The following RBFOX1 variants were observed in gnomAD, a reference collection of about 807,000 sequenced individuals.
RBFOX1 encodes RNA binding fox-1 homolog 1.
A neutral mutation model predicts 57.7 loss-of-function variants in RBFOX1; 8 were observed. The observed-to-expected ratio is 0.14, with a 90% CI of 0.08 to 0.25. The LOEUF is 0.25. Among genes scored for constraint, RBFOX1 ranks in the 10% least tolerant of loss-of-function variants. The pLI is 1.00. For missense variants in RBFOX1, 611 were observed against 548.5 expected (o/e 1.11, Z -1.14); for synonymous variants, 326 against 222.4 (o/e 1.47, Z -4.15).
intron 4 of RBFOX1, among the ~76,000 whole-genome samples, chr16:7,178,589 C>T (rs2082110945): frequency 6.6e-6 from 1 of 152,094 alleles, no homozygotes; most frequent in East Asian, 1.9e-4. Context: ...TTTCCATCAC[C>T]AGAATTTAAC....
intron 4 of RBFOX1, chr16:7,304,122 A>G (rs931275599): frequency 1.3e-6 from 1 of 791,050 alleles, no homozygotes; most frequent in Non-Finnish European, 1.5e-6. Context: ...GATCTAGCAC[A>G]TCCCCAGGCG....
intron 2 of RBFOX1, among the ~76,000 whole-genome samples, chr16:6,638,921 A>T (rs2098465196): frequency 6.6e-6 from 1 of 152,166 alleles, no homozygotes; most frequent in Non-Finnish European, 1.5e-5. Context: ...TTCTACCAGG[A>T]AGCAAAATGC....
chr16:7,004,701 C>G (rs1379360398), intron 3 of RBFOX1, among the ~76,000 whole-genome samples: 4 of 152,122 alleles, frequency 2.6e-5, no homozygotes, highest in Non-Finnish European at 5.9e-5. Context: ...CACATCATAA[C>G]CAGGAAGATG....
At chr16:6,578,553 C>A (rs1055570009) in intron 2 of RBFOX1, among the ~76,000 whole-genome samples, 4 of 124,410 alleles carry the variant, frequency 3.2e-5, no homozygotes, top group Non-Finnish European at 7.4e-5. Context: ...AAACTCCAAA[C>A]ATTGTGCCCA....
At chr16:7,499,032 G>T (rs747658420) in intron 4 of RBFOX1, among the ~76,000 whole-genome samples, 4 of 152,136 alleles carry the variant, frequency 2.6e-5, no homozygotes, top group African/African-American at 9.7e-5. Context: ...TAGGTCTTCC[G>T]TGACTAGCAC....
intron 4 of RBFOX1, among the ~76,000 whole-genome samples, chr16:7,259,867 A>C (rs151073500): frequency 1.3e-5 from 2 of 152,172 alleles, no homozygotes; most frequent in Non-Finnish European, 2.9e-5. Context: ...CTGGTGTATT[A>C]GGTGCTTAAT....
At chr16:5,829,617 G>T (rs371597298) in intron 3 of RBFOX1, among the ~76,000 whole-genome samples, 2 of 151,924 alleles carry the variant, frequency 1.3e-5, no homozygotes, top group Non-Finnish European at 2.9e-5. Flanking sequence ...TCTCTCTTCA[G>T]TAACAGCCCC....
At chr16:7,100,943 T>C (rs1764862047) in intron 4 of RBFOX1, among the ~76,000 whole-genome samples, 1 of 152,184 alleles carries the variant, frequency 6.6e-6, no homozygotes, top group Non-Finnish European at 1.5e-5. Flanking sequence ...TAAGTGAAAG[T>C]GATTGTACTT....
In RBFOX1 at chr16:5,953,013, A is replaced by G. The variant is rs148261426; in HGVS notation, c.351+85678A>G. ...AAACTTTTGGAAATACAATGGCAGC[A>G]GTTCCCAGCCTGGCTACATGGTAGA... is the stretch of plus-strand genomic sequence containing the variant. On this transcript the variant is annotated intron_variant, in intron 4 of 19. Coordinates refer to the RBFOX1 transcript ENST00000641259. Among the ~76,000 whole-genome samples the G allele has an allele frequency of 7.7e-3, 1,158 of 150,712 alleles. 13 individuals are homozygous for G. The highest frequency in any genetic ancestry group is 0.027 in the African/African-American group (1,114 of 41,240).
At chr16:7,170,188 T>C (rs1490963877) in intron 4 of RBFOX1, among the ~76,000 whole-genome samples, 1 of 152,242 alleles carries the variant, frequency 6.6e-6, no homozygotes, top group African/African-American at 2.4e-5. Flanking sequence ...ATAGAAACTG[T>C]AGCATGATGA....
chr16:5,283,199 G>T (rs1159903442), intron 1 of RBFOX1, among the ~76,000 whole-genome samples: 1 of 152,238 alleles, frequency 6.6e-6, no homozygotes, highest in Non-Finnish European at 1.5e-5. Flanking sequence ...GATTTCAGAA[G>T]ATGTATGGAA....
At chr16:7,548,344 A>G (rs1235499578) in intron 5 of RBFOX1, among the ~76,000 whole-genome samples, 2 of 152,134 alleles carry the variant, frequency 1.3e-5, no homozygotes, top group Non-Finnish European at 2.9e-5. Context: ...TTTAGTAGAG[A>G]CAGGGTTTCA....
intron 4 of RBFOX1, among the ~76,000 whole-genome samples, chr16:5,912,644 A>G (rs1385113839): frequency 6.6e-6 from 1 of 152,204 alleles, no homozygotes; most frequent in Non-Finnish European, 1.5e-5. Flanking sequence ...AAGTATAATT[A>G]TTTCCTATTT....
chr16:6,628,937 G>T (rs2098346648), intron 2 of RBFOX1, among the ~76,000 whole-genome samples: 1 of 152,188 alleles, frequency 6.6e-6, no homozygotes, highest in East Asian at 1.9e-4. Context: ...GGCTGAGACA[G>T]GAGAATTGCT....
At chr16:6,164,610 G>A (rs1157963591) in intron 1 of RBFOX1, among the ~76,000 whole-genome samples, 1 of 151,798 alleles carries the variant, frequency 6.6e-6, no homozygotes, top group East Asian at 1.9e-4. Context: ...GGGACTATAG[G>A]TGTGAACCAC....
chr16:6,753,108 A>G (rs1219342107), intron 3 of RBFOX1, among the ~76,000 whole-genome samples: 2 of 152,190 alleles, frequency 1.3e-5, no homozygotes, highest in South Asian at 2.1e-4. Flanking sequence ...ACTTGAGTAA[A>G]CATCATGTAT....
chr16:5,703,511 T>C (rs28618273), intron 3 of RBFOX1, among the ~76,000 whole-genome samples: 9,099 of 152,214 alleles, frequency 0.06, 875 homozygotes, highest in African/African-American at 0.2. Context: ...CGTATATTCT[T>C]CCAAGGATTT....
intron 13 of RBFOX1, among the ~76,000 whole-genome samples, chr16:7,666,389 G>GAA (rs3837770): frequency 0.3 from 44,758 of 150,618 alleles, 6,776 homozygotes; most frequent in East Asian, 0.41. Flanking sequence ...ACCTACCCAA[G>GAA]AAAAAAAAAA....
chr16:7,336,502 C>T (rs1172245989), intron 4 of RBFOX1, among the ~76,000 whole-genome samples: 1 of 152,196 alleles, frequency 6.6e-6, no homozygotes, highest in African/African-American at 2.4e-5. Flanking sequence ...GCATTTGTTC[C>T]TTCAGTTATC....
Sources: gnomAD v4.1 joint callset for allele counts (sites outside exome capture counted in the v4.1 genomes callset) on GRCh38, gnomAD v4.1.1 for gene constraint, MANE v1.5 for transcripts, NCBI Gene and HGNC (gene_info 2026-07-23, HGNC 2026-07-21) for gene names.